CLIC4: variants seen among roughly 807,000 people sequenced by gnomAD.
CLIC4 encodes the protein CLIC family member 4.
CLIC4 carries 13 observed loss-of-function variants against 24.6 expected under a neutral mutation model. That is an observed-to-expected ratio of 0.53 (90% CI 0.34 to 0.84). CLIC4 has a LOEUF of 0.84. Ranked by LOEUF, CLIC4 falls within the 40% of genes least tolerant of loss-of-function variation. CLIC4 has a pLI of 0.01. For missense variants in CLIC4, 227 were observed against 301.7 expected (o/e 0.75, Z 1.83); for synonymous variants, 104 against 111.3 (o/e 0.93, Z 0.41).
At chr1:24,821,457 C>G (rs1639733349) in intron 3 of CLIC4, among the ~76,000 whole-genome samples, 1 of 152,142 alleles carries the variant, frequency 6.6e-6, no homozygotes, top group Non-Finnish European at 1.5e-5. Context: ...AGTTTAAATA[C>G]ATAGGAATCT....
At chr1:24,769,691 G>C (rs191227136) in intron 1 of CLIC4, among the ~76,000 whole-genome samples, 10 of 152,230 alleles carry the variant, frequency 6.6e-5, no homozygotes, top group African/African-American at 2.2e-4. Flanking sequence ...AGTGAGCCTA[G>C]ATGGTTCATT....
intron 4 of CLIC4, among the ~76,000 whole-genome samples, chr1:24,839,507 G>A (rs1469169898): frequency 1.1e-4 from 16 of 152,088 alleles, no homozygotes; most frequent in Non-Finnish European, 2.9e-5. Flanking sequence ...CACCGTGTTA[G>A]CCAGGATGGT....
chr1:24,798,836 G>A (rs1388172011), intron 2 of CLIC4, among the ~76,000 whole-genome samples: 1 of 152,218 alleles, frequency 6.6e-6, no homozygotes. Flanking sequence ...TGGTGGAGAC[G>A]GGGTTTCGCT....
At position 24,839,924 on chromosome 1, in the gene CLIC4, T is replaced by A. The variant is rs1639925319; in HGVS notation, c.480T>A (p.Pro160=). 6.2e-7 allele frequency: 1 copy of A among 1,613,244 alleles called. No individual in the cohort carries two copies. The highest frequency in any genetic ancestry group is 8.5e-7 in the Non-Finnish European group (1 of 1,179,946). Residue 160 remains proline, a synonymous_variant, in exon 5 of 6, where the codon CCT becomes CCA. Coordinates refer to ENST00000374379, the MANE Select transcript of CLIC4 (RefSeq NM_013943.3). ...KLDEYLNSPL[P]DEIDENSMED... Reference sequence around the variant, plus strand: ...ATGAATATCTGAATTCTCCTCTCCCTGATGAAATTGATGAAAATAGTATGG... The same window carrying A: ...ATGAATATCTGAATTCTCCTCTCCCAGATGAAATTGATGAAAATAGTATGG...
chr1:24,820,048 A>T (rs1408486754), intron 3 of CLIC4, among the ~76,000 whole-genome samples: 2,046 of 67,972 alleles, frequency 0.03, 219 homozygotes, highest in African/African-American at 0.09. Flanking sequence ...GCCATACTTC[A>T]AAAAAAAAAA....
chr1:24,783,384 A>G (rs946899259), intron 1 of CLIC4, among the ~76,000 whole-genome samples: 1 of 152,084 alleles, frequency 6.6e-6, no homozygotes, highest in African/African-American at 2.4e-5. Context: ...GACACGCCAA[A>G]TTATTTAGTA....
intron 1 of CLIC4, among the ~76,000 whole-genome samples, chr1:24,768,294 T>G (rs2124098405): frequency 6.6e-6 from 1 of 152,332 alleles, no homozygotes; most frequent in African/African-American, 2.4e-5. Context: ...TGCTACCAAA[T>G]TTCACTATTT....
intron 1 of CLIC4, among the ~76,000 whole-genome samples, chr1:24,748,516 TTTTTTTAATGAGATGGTGTCTCGC>T (rs1638735614): frequency 6.9e-6 from 1 of 144,954 alleles, no homozygotes; most frequent in African/African-American, 2.6e-5. Context: ...TTTTTTTTTT[TTTTTTTAATGAGATGGTGTCTCGC>T]TCTGTCACCC....
At chr1:24,814,279 T>G in intron 3 of CLIC4, 60 bp downstream of exon 3, 1 of 1,548,338 alleles carries the variant, frequency 6.5e-7, no homozygotes, top group South Asian at 1.2e-5. Flanking sequence ...TTGTGTTATT[T>G]GTCAGTAGAG....
At chr1:24,764,214 C>T (rs1467056818) in intron 1 of CLIC4, among the ~76,000 whole-genome samples, 1 of 152,180 alleles carries the variant, frequency 6.6e-6, no homozygotes, top group African/African-American at 2.4e-5. Context: ...GATTCTCCTG[C>T]CTCAGCCTCT....
chr1:24,752,146 C>T (rs1203523400), intron 1 of CLIC4, among the ~76,000 whole-genome samples: 22 of 152,144 alleles, frequency 1.4e-4, no homozygotes, highest in Admixed American at 9.2e-4. Flanking sequence ...TCTAGTATGT[C>T]AGGCAAGTTT....
Position 24,785,089 on chromosome 1 carries a change from T to G in CLIC4, c.73-12653T>G, listed in dbSNP as rs200874903. On this transcript the variant is annotated intron_variant, in intron 1 of 5. Transcript: ENST00000374379. ...TTTAAACTTTATGTAGACCTTTTTT[T>G]TTTTTTTTTAAAGCATCGGGTCGTA... Among the ~76,000 whole-genome samples the G allele has an allele frequency of 9.9e-5, 15 of 151,754 alleles. No homozygotes were observed. The East Asian group carries it at 2.9e-3, about 29-fold the overall frequency.
intron 2 of CLIC4, 23 bp downstream of exon 2, chr1:24,797,874 A>T (rs751258021): frequency 6.6e-7 from 1 of 1,509,114 alleles, no homozygotes; most frequent in South Asian, 1.1e-5. Context: ...CGCAGTTTGC[A>T]ATCAACTTAA....
chr1:24,772,766 G>A (rs754716032), intron 1 of CLIC4, among the ~76,000 whole-genome samples: 2 of 152,198 alleles, frequency 1.3e-5, no homozygotes, highest in South Asian at 2.1e-4. Flanking sequence ...TTACAGGTGT[G>A]AGCCACAGCG....
At chr1:24,798,081 C>T in intron 2 of CLIC4, 3 of 379,450 alleles carry the variant, frequency 7.9e-6, no homozygotes, top group Non-Finnish European at 1.4e-5. Flanking sequence ...CCTTAAATTT[C>T]ATGAGTAGCA....
intron 1 of CLIC4, among the ~76,000 whole-genome samples, chr1:24,781,284 G>A (rs1287095395): frequency 4.8e-5 from 7 of 146,174 alleles, no homozygotes; most frequent in African/African-American, 1.5e-4. Context: ...ACAGGCACAC[G>A]CCACCATGCC....
intron 2 of CLIC4, among the ~76,000 whole-genome samples, chr1:24,807,576 G>A (rs1639565645): frequency 6.6e-6 from 1 of 152,096 alleles, no homozygotes; most frequent in Non-Finnish European, 1.5e-5. Context: ...CCGGGTGAGT[G>A]GTTTGGCCAG....
intron 1 of CLIC4, among the ~76,000 whole-genome samples, chr1:24,779,849 A>G (rs1428939134): frequency 6.6e-6 from 1 of 152,174 alleles, no homozygotes; most frequent in Admixed American, 6.5e-5. Context: ...TCCAAAGCAC[A>G]TTTCACCACA....
At chr1:24,832,029 A>G (rs921310479) in intron 4 of CLIC4, among the ~76,000 whole-genome samples, 19 of 152,252 alleles carry the variant, frequency 1.2e-4, no homozygotes, top group African/African-American at 4.1e-4. Context: ...TTCCTCTTAA[A>G]TATACCCATA....
Sources: gnomAD v4.1 joint callset for allele counts (sites outside exome capture counted in the v4.1 genomes callset) on GRCh38, gnomAD v4.1.1 for gene constraint, MANE v1.5 for transcripts, NCBI Gene and HGNC (gene_info 2026-07-23, HGNC 2026-07-21) for gene names.